The following AP1B1 variants were observed in gnomAD, a reference collection of about 807,000 sequenced individuals.
The protein encoded by AP1B1 is adaptor related protein complex 1 subunit beta 1, also known as AP-1 complex subunit beta-1.
A neutral mutation model predicts 104.3 loss-of-function variants in AP1B1; 36 were observed. The observed-to-expected ratio is 0.35, with a 90% CI of 0.26 to 0.46. AP1B1 has a LOEUF of 0.46. Ranked by LOEUF, AP1B1 falls within the 20% of genes least tolerant of loss-of-function variation. AP1B1 has a pLI of 1.00. For synonymous variants in AP1B1, 504 were observed against 517.5 expected (o/e 0.97, Z 0.35); for missense variants, 901 against 1,247.9 (o/e 0.72, Z 4.19).
chr22:29,329,932 C>A (rs576997057), intron 21 of AP1B1: 3 of 1,426,584 alleles, frequency 2.1e-6, no homozygotes, highest in Non-Finnish European at 1.8e-6. Context: ...CCTGGAACAG[C>A]GGTGCAGGCC....
chr22:29,386,917 C>T (rs1478586231), intron 1 of AP1B1, among the ~76,000 whole-genome samples: 1 of 152,210 alleles, frequency 6.6e-6, no homozygotes, highest in Non-Finnish European at 1.5e-5. Flanking sequence ...TCTGCTCTGG[C>T]AAGAAGCCAT....
chr22:29,348,005 TG>T (rs1170977816), intron 11 of AP1B1, among the ~76,000 whole-genome samples: 2 of 152,250 alleles, frequency 1.3e-5, no homozygotes, highest in African/African-American at 4.8e-5. Flanking sequence ...GCATGGTCTT[TG>T]CAGGTGTTGG....
intron 17 of AP1B1, 78 bp downstream of exon 17, chr22:29,334,187 A>C: frequency 2.3e-6 from 3 of 1,326,534 alleles, no homozygotes; most frequent in African/African-American, 3.0e-5. Flanking sequence ...CCCTGCCTGC[A>C]GTCCCCAGAA....
chr22:29,362,741 G>T (rs2062071122), intron 3 of AP1B1, among the ~76,000 whole-genome samples: 1 of 152,202 alleles, frequency 6.6e-6, no homozygotes, highest in East Asian at 1.9e-4. Context: ...GAGGGTTCAT[G>T]CCACACCCAC....
intron 1 of AP1B1, among the ~76,000 whole-genome samples, chr22:29,371,905 C>G (rs1267554534): frequency 6.6e-6 from 1 of 152,044 alleles, no homozygotes; most frequent in Admixed American, 6.6e-5. Context: ...GGCTGGGATC[C>G]CCCCCTCAAT....
rs201598106 is a variant in AP1B1 at position 29,341,537 on chromosome 22, C to A, written c.1760G>T (p.Gly587Val). The A allele has an allele frequency of 6.2e-7, 1 of 1,614,036 alleles. No homozygotes were observed. Among genetic ancestry groups the A allele is most frequent in the East Asian group, 2.2e-5 (1 of 44,886 alleles). The change falls in exon 13 of 23, where the codon GGC becomes GTC. Residue 587 changes from glycine to valine, a missense_variant. Transcript: ENST00000357586. Reference sequence around the variant, plus strand: ...AGGTGGCAGGCTCTTGTGCACGACGCCCCGGCCCCCCTCCACAAAGGCACT... The same window carrying A: ...AGGTGGCAGGCTCTTGTGCACGACGACCCGGCCCCCCTCCACAAAGGCACT... ...PPSAFVEGGR[G>V]VVHKSLPPRT...
chr22:29,368,396 C>T (rs1393314632), intron 1 of AP1B1, among the ~76,000 whole-genome samples: 2 of 152,138 alleles, frequency 1.3e-5, no homozygotes, highest in Admixed American at 1.3e-4. Context: ...CTCCTATGTA[C>T]CTCAGTAGTT....
At position 29,362,981 on chromosome 22, in the gene AP1B1, C is replaced by G; in HGVS notation, c.143+20G>C. 6.2e-7 allele frequency: 1 copy of G among 1,602,320 alleles called. No individual in the cohort carries two copies. The highest frequency in any genetic ancestry group is 8.6e-7 in the Non-Finnish European group (1 of 1,169,234). ...CCTGTCAGCCAGCTTCTAGCTGCCA[C>G]CAGGCCTACTCCTGCACACCTGACA... On this transcript the variant is annotated intron_variant, in intron 3 of 22. Coordinates refer to ENST00000357586, the MANE Select transcript of AP1B1 (RefSeq NM_001127.4).
rs1180630209 is a variant in AP1B1, at chr22:29,342,350, G to A, written c.1471C>T (p.Leu491Phe). 6.2e-7 allele frequency: 1 copy of A among 1,614,178 alleles called. No individual in the cohort carries two copies. Among genetic ancestry groups the A allele is most frequent in the Admixed American group, 1.7e-5 (1 of 60,026 alleles). ...QLQLLTAIVK[L>F]FLKKPTETQE... ...GTCTCTGTTGGCTTCTTTAGAAAGAGTTTCACAATGGCTGTCAGCAGCTGC... is the reference window on the plus strand; with the variant it reads ...GTCTCTGTTGGCTTCTTTAGAAAGAATTTCACAATGGCTGTCAGCAGCTGC... The change falls in exon 12 of 23, where the codon CTC becomes TTC. Residue 491 changes from leucine to phenylalanine, a missense_variant. By Grantham distance (22) the Leu-to-Phe change is conservative. This residue lies in a region of AP1B1 where 471 missense variants were observed against 696.7 expected (regional missense o/e 0.68). Transcript: ENST00000357586.
At chr22:29,373,112 C>T (rs1301588791) in intron 1 of AP1B1, among the ~76,000 whole-genome samples, 5 of 152,098 alleles carry the variant, frequency 3.3e-5, no homozygotes, top group African/African-American at 1.2e-4. Flanking sequence ...ATGGTGAAAT[C>T]CTGTCTCTAC....
intron 5 of AP1B1, among the ~76,000 whole-genome samples, chr22:29,357,350 G>A (rs951278601): frequency 9.2e-5 from 14 of 151,986 alleles, no homozygotes; most frequent in Non-Finnish European, 8.8e-5. Context: ...TTATAGGCGT[G>A]AGCCACTGCA....
In AP1B1 at chr22:29,328,968, G is replaced by A; in HGVS notation, c.2776-73C>T. On this transcript the variant is annotated intron_variant, in intron 22 of 22. Coordinates refer to ENST00000357586, the MANE Select transcript of AP1B1 (RefSeq NM_001127.4). The surrounding 1 kb of genome is among the most constrained non-coding windows in gnomAD (Gnocchi z 4.1). Reference sequence around the variant, plus strand: ...TCCTCTCAGGAAGGAAAGGGGTGGGGAAGAGAGCAGGAACCAATGGGACAG... The same window carrying A: ...TCCTCTCAGGAAGGAAAGGGGTGGGAAAGAGAGCAGGAACCAATGGGACAG... 2 of 1,558,242 alleles carry A rather than the reference G, an allele frequency of 1.3e-6. No individual in the cohort carries two copies. Among genetic ancestry groups the A allele is most frequent in the Non-Finnish European group, 1.7e-6 (2 of 1,154,556 alleles).
chr22:29,334,641 G>A (rs1434623888), intron 16 of AP1B1, among the ~76,000 whole-genome samples: 1 of 152,228 alleles, frequency 6.6e-6, no homozygotes, highest in African/African-American at 2.4e-5. Flanking sequence ...AGCTCAGGGT[G>A]GGGAGGCACT....
chr22:29,334,459 G>A, intron 16 of AP1B1, 49 bp from the exon 17 acceptor site: 1 of 1,549,140 alleles, frequency 6.5e-7, no homozygotes, highest in East Asian at 2.3e-5. Flanking sequence ...TCTTCCTGCA[G>A]CCCAAACTCA....
Position 29,336,761 on chromosome 22 carries a change from AC to A in AP1B1, c.2163+2228del, listed in dbSNP as rs563187614. ...ACAGGTTGCAGTGAGCTGAGATCGCACCATTGCACTCCAGCCTGTGTGACAA... is the reference window on the plus strand; with the variant it reads ...ACAGGTTGCAGTGAGCTGAGATCGCACATTGCACTCCAGCCTGTGTGACAA... On this transcript the variant is annotated intron_variant, in intron 16 of 22. Transcript: ENST00000357586. Among the ~76,000 whole-genome samples the A allele has an allele frequency of 8.1e-3, 1,217 of 149,508 alleles. 7 individuals carry two copies. Among genetic ancestry groups the A allele is most frequent in the African/African-American group, 0.029 (1,164 of 40,308 alleles).
rs558168682 is a variant in AP1B1, at chr22:29,363,424, C to T, written c.38-318G>A. On this transcript the variant is annotated intron_variant, in intron 2 of 22. Coordinates refer to ENST00000357586, the MANE Select transcript of AP1B1 (RefSeq NM_001127.4). ...CAGCACTTTGGGAGTCCGAGGCAGG[C>T]GGATCACGAGGTCAGAAGATCAAGA... Among the ~76,000 whole-genome samples, 15 of 152,208 alleles carry T rather than the reference C, an allele frequency of 9.9e-5. No individual in the cohort carries two copies. The South Asian group carries it at 1.9e-3, about 19-fold the overall frequency.
chr22:29,331,775 C>T lies in AP1B1; in HGVS notation c.2439+12G>A. The T allele has an allele frequency of 6.2e-7, 1 of 1,614,154 alleles. No homozygotes were observed. The highest frequency in any genetic ancestry group is 8.5e-7 in the Non-Finnish European group (1 of 1,180,026). ...AGTAAGGACTGGGGTGCCTGCCCTG[C>T]CCGGAACCCACCTGGAGGTTGTTCA... On this transcript the variant is annotated intron_variant, in intron 18 of 22. Transcript: ENST00000357586.
At chr22:29,329,787 A>C in intron 21 of AP1B1, 67 bp from the exon 22 acceptor site, 1 of 1,606,820 alleles carries the variant, frequency 6.2e-7, no homozygotes, top group African/African-American at 1.3e-5. Flanking sequence ...GGAAGTTACC[A>C]CCACCGAAGC....
chr22:29,355,492 A>G (rs1395766690), intron 6 of AP1B1, among the ~76,000 whole-genome samples: 1 of 152,096 alleles, frequency 6.6e-6, no homozygotes, highest in Non-Finnish European at 1.5e-5. Flanking sequence ...TGTTTTTTGT[A>G]GGAGAAAGAT....
Sources: gnomAD v4.1 joint callset for allele counts (sites outside exome capture counted in the v4.1 genomes callset) on GRCh38, gnomAD v4.1.1 for gene constraint, gnomAD v4.1.1 regional missense constraint, Gnocchi (gnomAD v3.1) non-coding constraint, MANE v1.5 for transcripts, NCBI Gene and HGNC (gene_info 2026-07-23, HGNC 2026-07-21) for gene names.